SLC26A3: variants seen among roughly 807,000 people sequenced by gnomAD.
SLC26A3 encodes the protein solute carrier family 26 member 3.
SLC26A3 carries 64 observed loss-of-function variants against 85.6 expected under a neutral mutation model. That is an observed-to-expected ratio of 0.75 (90% CI 0.61 to 0.92). The LOEUF is 0.92. Ranked by LOEUF, SLC26A3 falls within the 40% of genes least tolerant of loss-of-function variation. The pLI, the probability that SLC26A3 is intolerant of heterozygous loss-of-function variation, is 0.00. For missense variants in SLC26A3, 922 were observed against 927.3 expected, an observed-to-expected ratio of 0.99 and a Z score of 0.07; for synonymous variants, 349 against 336.0, an observed-to-expected ratio of 1.04 and a Z score of -0.42.
Position 107,778,192 on chromosome 7 carries a change from G to A in SLC26A3, c.1497C>T (p.Ile499=), listed in dbSNP as rs1340677732. Residue 499 remains isoleucine, a synonymous_variant, in exon 13 of 21, where the codon ATC becomes ATT. Coordinates refer to ENST00000340010, the MANE Select transcript of SLC26A3 (RefSeq NM_000111.3). ...AASVAFQLLT[I]VFRTQFPKCS... ...GCACTCACAATTGGGTCCTGAACAC[G>A]ATGGTTAGCAGTTGAAATGCCACAC... is the stretch of plus-strand genomic sequence containing the variant. 11 of 1,613,120 alleles carry A rather than the reference G, an allele frequency of 6.8e-6. No homozygotes were observed. Among genetic ancestry groups the A allele is most frequent in the Non-Finnish European group, 7.6e-6 (9 of 1,179,228 alleles).
intron 8 of SLC26A3, among the ~76,000 whole-genome samples, chr7:107,783,642 A>G (rs938425295): frequency 1.3e-5 from 2 of 152,228 alleles, no homozygotes; most frequent in African/African-American, 4.8e-5. Context: ...TATTCTTATA[A>G]GCTTCCTGCA....
chr7:107,794,696 A>G (rs768962120), intron 1 of SLC26A3, 99 bp from the exon 2 acceptor site: 26 of 639,676 alleles, frequency 4.1e-5, no homozygotes, highest in Admixed American at 7.4e-5. Context: ...ACCTTTTAAG[A>G]TCAAAAAAGG....
intron 1 of SLC26A3, among the ~76,000 whole-genome samples, chr7:107,799,078 C>T (rs1794559007): frequency 6.6e-6 from 1 of 152,060 alleles, no homozygotes. Context: ...GAGATGATGG[C>T]ATCAGAATGG....
chr7:107,800,941 A>G (rs1794589020), intron 1 of SLC26A3, among the ~76,000 whole-genome samples: 1 of 152,238 alleles, frequency 6.6e-6, no homozygotes, highest in South Asian at 2.1e-4. Flanking sequence ...CCAAACACTG[A>G]AACAGAAGGC....
At chr7:107,785,542 GTT>G (rs1172434050) in intron 8 of SLC26A3, among the ~76,000 whole-genome samples, 3 of 152,094 alleles carry the variant, frequency 2.0e-5, no homozygotes, top group Admixed American at 6.6e-5. Context: ...ATCCTGTTTG[GTT>G]TTGCAAGTAT....
intron 7 of SLC26A3, 21 bp from the exon 8 acceptor site, chr7:107,786,930 C>G (rs1480856429): frequency 9.3e-6 from 15 of 1,604,770 alleles, no homozygotes; most frequent in Admixed American, 1.7e-5. Context: ...GCAAATGGCC[C>G]AAGTTAGAAA....
At position 107,787,486 on chromosome 7, in the gene SLC26A3, T is replaced by C. The variant is rs780829913; in HGVS notation, c.759A>G (p.Gln253=). The change falls in exon 7 of 21, where the codon CAA becomes CAG. Residue 253 remains glutamine (Q), a synonymous_variant. Coordinates refer to ENST00000340010, the MANE Select transcript of SLC26A3 (RefSeq NM_000111.3). ...IFKVLYSVFS[Q]IEKTNIADLV... ...GGTCTGCAATATTAGTCTTCTCTAT[T>C]TGTGAGAATACAGAGTATAGTACCT... 1.2e-6 allele frequency: 2 copies of C among 1,613,746 alleles called. No individual in the cohort carries two copies. Among genetic ancestry groups the C allele is most frequent in the South Asian group, 2.2e-5 (2 of 91,080 alleles).
In SLC26A3 at chr7:107,765,886, AAGAC is replaced by A. The variant is rs1319512193; in HGVS notation, c.2272-12_2272-9del. On this transcript the variant is annotated splice_polypyrimidine_tract_variant and intron_variant, in intron 20 of 20. Coordinates refer to ENST00000340010, the MANE Select transcript of SLC26A3 (RefSeq NM_000111.3). ...TTTTGTTTCAACTGGCACCTGGAAG[AAGAC>A]AGAAAGTTCTTGTTTTAAAATACTC... 3.1e-6 allele frequency: 5 copies of A among 1,609,308 alleles called. No homozygotes were observed.
chr7:107,791,290 C>T, intron 4 of SLC26A3, 55 bp from the exon 5 acceptor site: 3 of 1,531,574 alleles, frequency 2.0e-6, no homozygotes, highest in East Asian at 2.2e-5. Flanking sequence ...AGCACATTGT[C>T]TTTCAACCAC....
chr7:107,800,351 C>T (rs1304166507), intron 1 of SLC26A3, among the ~76,000 whole-genome samples: 1 of 152,190 alleles, frequency 6.6e-6, no homozygotes, highest in Non-Finnish European at 1.5e-5. Context: ...ACAAACAAAA[C>T]ACAACTCAGC....
At chr7:107,771,272 C>T (rs77523531) in intron 18 of SLC26A3, among the ~76,000 whole-genome samples, 5,848 of 152,106 alleles carry the variant, frequency 0.038, 373 homozygotes, top group African/African-American at 0.13. Flanking sequence ...GTTCTAAAAG[C>T]GTGTATCTGA....
rs2115829652 is a variant in SLC26A3, at chr7:107,778,848, G to A, written c.1408-567C>T. ...CTACAAAAAATAAAAAAAAATAGCT[G>A]AGGATGGTGGTGTGCAGCTGTAGTC... On this transcript the variant is annotated intron_variant, in intron 12 of 20. Coordinates refer to ENST00000340010, the MANE Select transcript of SLC26A3 (RefSeq NM_000111.3). Among the ~76,000 whole-genome samples, 4 of 152,208 alleles carry A rather than the reference G, an allele frequency of 2.6e-5. 1 individual carries two copies. In the Middle Eastern group the frequency reaches 0.01, roughly 388 times the overall value.
At chr7:107,782,349 A>G (rs1794226653) in intron 11 of SLC26A3, among the ~76,000 whole-genome samples, 1 of 152,176 alleles carries the variant, frequency 6.6e-6, no homozygotes, top group Admixed American at 6.5e-5. Flanking sequence ...CCCACAATCC[A>G]ACAGTGTTGG....
chr7:107,775,740 C>CA (rs1302008343), intron 15 of SLC26A3, among the ~76,000 whole-genome samples: 3 of 151,474 alleles, frequency 2.0e-5, no homozygotes, highest in Non-Finnish European at 4.4e-5. Context: ...AAATCCTTGA[C>CA]AAAAAATATA....
At chr7:107,771,568 A>G (rs951738256) in intron 18 of SLC26A3, among the ~76,000 whole-genome samples, 3 of 152,118 alleles carry the variant, frequency 2.0e-5, no homozygotes, top group South Asian at 4.1e-4. Context: ...AGGGAGGGAG[A>G]GAGTTTCAAA....
intron 18 of SLC26A3, among the ~76,000 whole-genome samples, chr7:107,769,430 G>C (rs1793967996): frequency 6.6e-6 from 1 of 152,040 alleles, no homozygotes; most frequent in African/African-American, 2.4e-5. Flanking sequence ...ATCCTTTGCA[G>C]GTACATGGAG....
chr7:107,779,786 A>T, intron 11 of SLC26A3, 23 bp from the exon 12 acceptor site: 1 of 1,584,624 alleles, frequency 6.3e-7, no homozygotes, highest in Non-Finnish European at 8.7e-7. Context: ...CAAACATCAG[A>T]TGTACTTTAA....
intron 18 of SLC26A3, among the ~76,000 whole-genome samples, chr7:107,770,111 CT>C (rs1475564293): frequency 2.2e-5 from 2 of 92,768 alleles, no homozygotes; most frequent in African/African-American, 3.6e-5. Flanking sequence ...CGTCTTTCTT[CT>C]TTCTTCTTTC....
In SLC26A3 at chr7:107,773,912, G is replaced by A; in HGVS notation, c.2007+8C>T. 6.3e-7 allele frequency: 1 copy of A among 1,599,762 alleles called. No homozygotes were observed. Among genetic ancestry groups the A allele is most frequent in the Non-Finnish European group, 8.6e-7 (1 of 1,167,196 alleles). ...ATTGGTTGTTTCCATTAAGAACAAA[G>A]AAATTACCGATTTAAGGCCCCTCAC... is the stretch of plus-strand genomic sequence containing the variant. On this transcript the variant is annotated splice_region_variant and intron_variant, in intron 17 of 20. Transcript: ENST00000340010.
Sources: gnomAD v4.1 joint callset for allele counts (sites outside exome capture counted in the v4.1 genomes callset) on GRCh38, gnomAD v4.1.1 for gene constraint, MANE v1.5 for transcripts, NCBI Gene and HGNC (gene_info 2026-07-23, HGNC 2026-07-21) for gene names.